The following AGBL1 variants were observed in gnomAD, a reference collection of about 807,000 sequenced individuals.
AGBL1 encodes the protein cytosolic carboxypeptidase 4.
AGBL1 carries 130 observed loss-of-function variants against 118.9 expected under a neutral mutation model. The observed-to-expected ratio is 1.09, with a 90% CI of 0.95 to 1.26. AGBL1 has a LOEUF of 1.26. AGBL1 is among the 50% of genes most tolerant of loss of function. The pLI is 0.00. For missense variants in AGBL1, 1,584 were observed against 1,298.1 expected (o/e 1.22, Z -3.38); for synonymous variants, 555 against 478.9 (o/e 1.16, Z -2.08).
intron 18 of AGBL1, among the ~76,000 whole-genome samples, chr15:86,520,897 C>G (rs1467335992): frequency 6.6e-6 from 1 of 152,162 alleles, no homozygotes. Flanking sequence ...GCTGCCTGTT[C>G]CTTTCTGTTG....
At chr15:87,016,869 G>T (rs1047520999) in intron 24 of AGBL1, among the ~76,000 whole-genome samples, 11 of 152,116 alleles carry the variant, frequency 7.2e-5, no homozygotes, top group Non-Finnish European at 1.3e-4. Flanking sequence ...TACCACCAAG[G>T]CCTTGGGTCT....
intron 17 of AGBL1, among the ~76,000 whole-genome samples, chr15:86,390,706 G>A (rs1437734177): frequency 1.3e-5 from 1 of 78,374 alleles, no homozygotes; most frequent in East Asian, 4.1e-4. Flanking sequence ...TTTTGCTCTT[G>A]TCACCCAGCC....
rs1043940605 is a variant in AGBL1, at chr15:86,175,140, T to TTTG, written c.488+16117_488+16119dup. 5.3e-5 allele frequency among the ~76,000 whole-genome samples: 8 copies of TTTG among 152,074 alleles called. No individual in the cohort carries two copies. The South Asian group carries it at 1.5e-3, about 28-fold the overall frequency. On this transcript the variant is annotated intron_variant, in intron 5 of 22. Coordinates refer to ENST00000614907, the MANE Select transcript of AGBL1 (RefSeq NM_001386094.1). ...CAGTAAAGTCATCTGGTCCTGAGTTTTTGTTCTTGTTGTTGTTGTTAGGGG... is the reference window on the plus strand; with the variant it reads ...CAGTAAAGTCATCTGGTCCTGAGTTTTTGTTGTTCTTGTTGTTGTTGTTAGGGG...
chr15:86,764,434 G>A (rs1193876567), intron 22 of AGBL1, among the ~76,000 whole-genome samples: 1 of 152,006 alleles, frequency 6.6e-6, no homozygotes, highest in Non-Finnish European at 1.5e-5. Context: ...TTAACTGAGT[G>A]TGTCTAATGC....
intron 24 of AGBL1, among the ~76,000 whole-genome samples, chr15:86,993,241 T>A (rs547847991): frequency 6.6e-6 from 1 of 152,322 alleles, no homozygotes; most frequent in African/African-American, 2.4e-5. Flanking sequence ...GGATCCTTAT[T>A]TTTCTCCTTG....
At chr15:86,585,188 T>C (rs575023721) in intron 21 of AGBL1, among the ~76,000 whole-genome samples, 1 of 152,280 alleles carries the variant, frequency 6.6e-6, no homozygotes, top group African/African-American at 2.4e-5. Flanking sequence ...TTCTCTTGCC[T>C]GATTGCTCTG....
At position 86,522,946 on chromosome 15, in the gene AGBL1, C is replaced by A; in HGVS notation, c.2685+7C>A. 2 of 1,613,456 alleles carry A rather than the reference C, an allele frequency of 1.2e-6. No individual in the cohort carries two copies. Among genetic ancestry groups the A allele is most frequent in the Non-Finnish European group, 8.5e-7 (1 of 1,179,414 alleles). On this transcript the variant is annotated splice_region_variant and intron_variant, in intron 19 of 22. Coordinates refer to ENST00000614907, the MANE Select transcript of AGBL1 (RefSeq NM_001386094.1). ...CATTGGCCGAAGTCCCGTGGTGAGT[C>A]ACTTCCTTCTGCCTCCACCTTCCTG...
At chr15:86,814,758 C>A (rs1244791525) in intron 22 of AGBL1, among the ~76,000 whole-genome samples, 1 of 152,178 alleles carries the variant, frequency 6.6e-6, no homozygotes, top group South Asian at 2.1e-4. Flanking sequence ...CCAACACTCA[C>A]CAAAGAAAAC....
intron 17 of AGBL1, among the ~76,000 whole-genome samples, chr15:86,356,355 T>TGTGTGTGTGTGTGC (rs151263305): frequency 3.1e-4 from 47 of 150,906 alleles, no homozygotes; most frequent in East Asian, 3.9e-4. Context: ...TGTGTGTGTG[T>TGTGTGTGTGTGTGC]GCGCGTGCGC....
intron 18 of AGBL1, among the ~76,000 whole-genome samples, chr15:86,521,121 T>C (rs1009359334): frequency 2.0e-5 from 3 of 152,190 alleles, no homozygotes; most frequent in African/African-American, 7.2e-5. Flanking sequence ...AAGTGATTAA[T>C]CTGAAGATTT....
intron 1 of AGBL1, among the ~76,000 whole-genome samples, chr15:86,115,586 C>T (rs187784216): frequency 2.0e-5 from 3 of 152,244 alleles, no homozygotes; most frequent in Non-Finnish European, 2.9e-5. Context: ...TCCCAGATAC[C>T]GCTTAGTCAC....
intron 22 of AGBL1, among the ~76,000 whole-genome samples, chr15:86,742,082 G>A (rs1205017311): frequency 2.0e-5 from 3 of 151,752 alleles, no homozygotes; most frequent in African/African-American, 4.8e-5. Flanking sequence ...TTGAGAGGCC[G>A]GCAGTGACTC....
chr15:86,094,200 T>A (rs537596869), intron 1 of AGBL1, among the ~76,000 whole-genome samples: 133 of 152,274 alleles, frequency 8.7e-4, no homozygotes, highest in African/African-American at 3.1e-3. Context: ...ATTTATAAGC[T>A]TGTGATTAAT....
At chr15:86,859,685 G>A (rs577038124) in intron 22 of AGBL1, among the ~76,000 whole-genome samples, 1 of 152,178 alleles carries the variant, frequency 6.6e-6, no homozygotes, top group Non-Finnish European at 1.5e-5. Flanking sequence ...GTCTGGACGA[G>A]TCGCCTTAGA....
intron 22 of AGBL1, among the ~76,000 whole-genome samples, chr15:86,888,504 G>C (rs965484813): frequency 6.6e-6 from 1 of 152,138 alleles, no homozygotes; most frequent in Non-Finnish European, 1.5e-5. Flanking sequence ...TTATATCTAA[G>C]ATGTATGTGT....
chr15:86,579,707 T>C (rs921987986), intron 21 of AGBL1, among the ~76,000 whole-genome samples: 10 of 152,152 alleles, frequency 6.6e-5, no homozygotes, highest in African/African-American at 2.2e-4. Flanking sequence ...TCTTTTAACA[T>C]GTGAATGTTG....
chr15:86,338,170 G>T (rs902282030), intron 17 of AGBL1, among the ~76,000 whole-genome samples: 6 of 152,214 alleles, frequency 3.9e-5, no homozygotes, highest in African/African-American at 1.2e-4. Context: ...GGAAGTCTCT[G>T]TGAAAGGTAA....
Position 86,895,052 on chromosome 15 carries a change from T to TCCCTTTCTTTTATCTTCCCTCCTTCC in AGBL1, c.3159-12034_3159-12033insCCTTTCTTTTATCTTCCCTCCTTCCC, listed in dbSNP as rs149146198. On this transcript the variant is annotated intron_variant, in intron 22 of 22. Coordinates refer to ENST00000614907, the MANE Select transcript of AGBL1 (RefSeq NM_001386094.1). Reference sequence around the variant, plus strand: ...TTCATATCCATCCCCTTTTGTTCCTTCTTTCTTTTATCTTCCCTCCTTCCC... The same window carrying TCCCTTTCTTTTATCTTCCCTCCTTCC: ...TTCATATCCATCCCCTTTTGTTCCTTCCCTTTCTTTTATCTTCCCTCCTTCCCTTTCTTTTATCTTCCCTCCTTCCC... Among the ~76,000 whole-genome samples, 762 of 145,792 alleles carry TCCCTTTCTTTTATCTTCCCTCCTTCC rather than the reference T, an allele frequency of 5.2e-3. 14 individuals are homozygous for TCCCTTTCTTTTATCTTCCCTCCTTCC. The highest frequency in any genetic ancestry group is 0.018 in the African/African-American group (708 of 39,270).
intron 22 of AGBL1, among the ~76,000 whole-genome samples, chr15:86,879,736 T>G (rs2079864574): frequency 3.3e-5 from 5 of 152,226 alleles, no homozygotes; most frequent in Admixed American, 2.6e-4. Flanking sequence ...CTGCCAGGGA[T>G]GCTCACGAAA....
Sources: gnomAD v4.1 joint callset for allele counts (sites outside exome capture counted in the v4.1 genomes callset) on GRCh38, gnomAD v4.1.1 for gene constraint, MANE v1.5 for transcripts, NCBI Gene and HGNC (gene_info 2026-07-23, HGNC 2026-07-21) for gene names.